The following CHD2 variants were observed in gnomAD, a reference collection of about 807,000 sequenced individuals.
The protein encoded by CHD2 is chromodomain helicase DNA binding protein 2.
Under a neutral mutation model 243.9 loss-of-function variants are expected in CHD2, and 28 were observed. The observed-to-expected ratio is 0.11, with a 90% CI of 0.09 to 0.16. The LOEUF is 0.16. Among genes scored for constraint, CHD2 ranks in the 10% least tolerant of loss-of-function variants. The pLI, the probability that CHD2 is intolerant of heterozygous loss-of-function variation, is 1.00. For missense variants in CHD2, 1,386 were observed against 2,209.8 expected, an observed-to-expected ratio of 0.63 and a Z score of 7.47; for synonymous variants, 775 against 779.0, an observed-to-expected ratio of 0.99 and a Z score of 0.09.
In CHD2 at chr15:93,018,994, A is replaced by G. The variant is rs543462613; in HGVS notation, c.4907-1018A>G. Reference sequence around the variant, plus strand: ...TCCATCCCTGGACTTCTGTGTCTTCACTACATTTTCTGATTCAAGTGAGTA... The same window carrying G: ...TCCATCCCTGGACTTCTGTGTCTTCGCTACATTTTCTGATTCAAGTGAGTA... On this transcript the variant is annotated intron_variant, in intron 37 of 38. Coordinates refer to ENST00000394196, the MANE Select transcript of CHD2 (RefSeq NM_001271.4). Among the ~76,000 whole-genome samples, 45 of 152,290 alleles carry G rather than the reference A, an allele frequency of 3.0e-4. No homozygotes were observed. The South Asian group carries it at 9.3e-3, about 32-fold the overall frequency.
intron 13 of CHD2, among the ~76,000 whole-genome samples, chr15:92,952,966 A>G (rs1390176897): frequency 2.6e-5 from 4 of 152,262 alleles, no homozygotes; most frequent in Non-Finnish European, 5.9e-5. Flanking sequence ...GGCCAGCCAC[A>G]GGATTCACCA....
chr15:92,990,466 G>C (rs1375628919), intron 26 of CHD2, among the ~76,000 whole-genome samples: 2 of 152,158 alleles, frequency 1.3e-5, no homozygotes, highest in Non-Finnish European at 2.9e-5. Flanking sequence ...TTGCTTTTAT[G>C]GGGGAGCAGA....
In CHD2 at chr15:92,974,879, C is replaced by T. The variant is rs1567148426; in HGVS notation, c.2506C>T (p.Arg836Cys). Reference sequence around the variant, plus strand: ...GTTTTCTTGTGGTTTATTTTTACAGCGTCTGGATGGTTCCATCAAGGGAGA... The same window carrying T: ...GTTTTCTTGTGGTTTATTTTTACAGTGTCTGGATGGTTCCATCAAGGGAGA... ...YLTIKHYPFQ[R>C]LDGSIKGEIR... Residue 836 changes from arginine (R) to cysteine (C), a missense_variant and splice_region_variant, in exon 20 of 39, where the codon CGT becomes TGT. Arg to Cys is a radical substitution (Grantham distance 180). Around this residue, in one of 19 missense-constraint regions of CHD2, gnomAD observed 118 missense variants for 266.3 expected, o/e 0.44. Transcript: ENST00000394196. 5.0e-6 allele frequency: 8 copies of T among 1,613,146 alleles called. No homozygotes were observed. The highest frequency in any genetic ancestry group is 6.8e-6 in the Non-Finnish European group (8 of 1,179,348).
In CHD2 at chr15:92,900,788, G is replaced by T. The variant is rs1299235406; in HGVS notation, c.-108G>T. On this transcript the variant is annotated 5_prime_UTR_variant, in exon 1 of 39. Transcript: ENST00000394196. ...GGGATCTGATATTTTTCTACTAGTA[G>T]ATAGGACTCTTGGTTTGGACATACT... is the stretch of plus-strand genomic sequence containing the variant. 7 of 395,376 alleles carry T rather than the reference G, an allele frequency of 1.8e-5. No individual in the cohort carries two copies. The highest frequency in any genetic ancestry group is 3.1e-5 in the Non-Finnish European group (7 of 224,886). The allele number at this position is 395,376 out of a possible 1,614,324, so 24.5% of individuals were successfully genotyped here.
At chr15:92,980,396 C>G (rs766575002) in intron 22 of CHD2, among the ~76,000 whole-genome samples, 1 of 151,930 alleles carries the variant, frequency 6.6e-6, no homozygotes, top group Non-Finnish European at 1.5e-5. Context: ...TTAGCCCTTC[C>G]TAAATAAAAT....
chr15:92,980,752 T>A, intron 22 of CHD2, 63 bp from the exon 23 acceptor site: 3 of 1,141,868 alleles, frequency 2.6e-6, no homozygotes, highest in Non-Finnish European at 3.9e-6. Flanking sequence ...AGGATAGTTA[T>A]TCTGAAGTAG....
At position 92,972,313 on chromosome 15, in the gene CHD2, A is replaced by G; in HGVS notation, c.2401A>G (p.Thr801Ala). 1 of 1,613,030 alleles carries G rather than the reference A, an allele frequency of 6.2e-7. No homozygotes were observed. The highest frequency in any genetic ancestry group is 8.5e-7 in the Non-Finnish European group (1 of 1,179,578). Residue 801 changes from threonine (T) to alanine (A), a missense_variant, in exon 19 of 39, where the codon ACA becomes GCA. Thr to Ala is a moderately conservative substitution (Grantham distance 58, BLOSUM62 0). Coordinates refer to ENST00000394196, the MANE Select transcript of CHD2 (RefSeq NM_001271.4). ...GKLILLDKLL[T>A]RLRERGNRVL... ...GTTGATTTTATTAGACAAACTGTTGACAAGACTTCGAGAAAGGGGGAATCG... is the reference window on the plus strand; with the variant it reads ...GTTGATTTTATTAGACAAACTGTTGGCAAGACTTCGAGAAAGGGGGAATCG...
At chr15:92,975,667 T>C (rs1047134484) in intron 20 of CHD2, among the ~76,000 whole-genome samples, 8 of 142,594 alleles carry the variant, frequency 5.6e-5, no homozygotes, top group African/African-American at 2.0e-4. Context: ...GAGCCACTAC[T>C]TTTTTTTTTT....
In CHD2 at chr15:92,929,104, TG is replaced by T. The variant is rs2053117735; in HGVS notation, c.443+18del. The T allele has an allele frequency of 1.3e-6, 2 of 1,595,376 alleles. No individual in the cohort carries two copies. Among genetic ancestry groups the T allele is most frequent in the Non-Finnish European group, 1.7e-6 (2 of 1,168,756 alleles). The stretch of plus-strand genomic sequence containing the variant: ...AGCTGAAAAAACAGTAAGTCTTTCA[TG>T]GGGGAAATTATTCAATCTAGTAGTT... On this transcript the variant is annotated intron_variant, in intron 5 of 38. Coordinates refer to ENST00000394196, the MANE Select transcript of CHD2 (RefSeq NM_001271.4).
intron 38 of CHD2, chr15:93,020,840 T>C (rs1161252032): frequency 1.3e-5 from 2 of 155,366 alleles, no homozygotes; most frequent in African/African-American, 4.8e-5. Context: ...TGTGCGTCAT[T>C]TGCACTGTAC....
chr15:92,971,939 C>G lies in CHD2; in HGVS notation c.2352+12C>G. ...AGGAGATTCTTCTGGTAGGTAGTTCCTCATAATTACTTTCTCAAAAAAAAC... is the reference window on the plus strand; with the variant it reads ...AGGAGATTCTTCTGGTAGGTAGTTCGTCATAATTACTTTCTCAAAAAAAAC... On this transcript the variant is annotated intron_variant, in intron 18 of 38. Coordinates refer to ENST00000394196, the MANE Select transcript of CHD2 (RefSeq NM_001271.4). 1 of 1,591,658 alleles carries G rather than the reference C, an allele frequency of 6.3e-7. No homozygotes were observed. Among genetic ancestry groups the G allele is most frequent in the South Asian group, 1.2e-5 (1 of 86,740 alleles).
chr15:92,908,054 A>G (rs961978745), intron 2 of CHD2, among the ~76,000 whole-genome samples: 1 of 140,324 alleles, frequency 7.1e-6, no homozygotes, highest in Non-Finnish European at 1.5e-5. Context: ...TTGAGAGAGC[A>G]TATGACTCTT....
chr15:93,025,028 G>A lies in CHD2; in HGVS notation c.*323G>A. 1 of 293,220 alleles carries A rather than the reference G, an allele frequency of 3.4e-6. No homozygotes were observed. The highest frequency in any genetic ancestry group is 8.0e-5 in the East Asian group (1 of 12,486). 18.2% of individuals were successfully genotyped at this position (293,220 alleles called of 1,614,324 possible). A position where few individuals can be genotyped will look rare whatever the true frequency, so the allele number is the denominator to read the frequency against. On this transcript the variant is annotated 3_prime_UTR_variant, in exon 39 of 39. Transcript: ENST00000394196. ...GTGTTTCCCCAGTCAAGGAACAGGGGATCTTCAGAGTCATGAATGTTTTCT... is the reference window on the plus strand; with the variant it reads ...GTGTTTCCCCAGTCAAGGAACAGGGAATCTTCAGAGTCATGAATGTTTTCT...
intron 2 of CHD2, among the ~76,000 whole-genome samples, chr15:92,911,518 A>G (rs185214709): frequency 5.3e-5 from 8 of 152,260 alleles, no homozygotes; most frequent in African/African-American, 1.7e-4. Context: ...CTGGCAGATC[A>G]CTTGAGGCCA....
Position 92,946,079 on chromosome 15 carries a change from C to T in CHD2, c.1240C>T (p.Leu414=). 1 of 1,607,766 alleles carries T rather than the reference C, an allele frequency of 6.2e-7. No individual in the cohort carries two copies. The highest frequency in any genetic ancestry group is 8.5e-7 in the Non-Finnish European group (1 of 1,176,430). The change falls in exon 12 of 39, where the codon CTA becomes TTA. Residue 414 remains leucine, a synonymous_variant. Coordinates refer to ENST00000394196, the MANE Select transcript of CHD2 (RefSeq NM_001271.4). ...KPAPSNEPEY[L]CKWMGLPYSE... The stretch of plus-strand genomic sequence containing the variant: ...GGCACCCTCAAATGAGCCCGAATAT[C>T]TATGTAAATGGATGGGACTCCCCTA...
At chr15:92,928,865 A>G (rs1028750883) in intron 4 of CHD2, among the ~76,000 whole-genome samples, 165 bp from the exon 5 acceptor site, 5 of 152,228 alleles carry the variant, frequency 3.3e-5, no homozygotes, top group African/African-American at 1.2e-4. Context: ...TTTTCAAATC[A>G]AAAGAAGAGG....
At position 92,900,471 on chromosome 15, in the gene CHD2, C is replaced by A. The variant is rs936541513; in HGVS notation, c.-425C>A. The A allele has an allele frequency of 1.5e-5, 6 of 398,002 alleles. No homozygotes were observed. The highest frequency in any genetic ancestry group is 2.7e-5 in the Non-Finnish European group (6 of 225,634). The allele number at this position is 398,002 out of a possible 1,614,324, so 24.7% of individuals were successfully genotyped here. A position where few individuals can be genotyped will look rare whatever the true frequency, so the allele number is the denominator to read the frequency against. ...GCCCCCTGCCTTTCCTAGGGACTTACTGGGGTCGATTCGAACCTTTTTTTG... is the reference window on the plus strand; with the variant it reads ...GCCCCCTGCCTTTCCTAGGGACTTAATGGGGTCGATTCGAACCTTTTTTTG... On this transcript the variant is annotated 5_prime_UTR_variant, in exon 1 of 39. In the 5' UTR this introduces an upstream ATG that the reference lacks. Coordinates refer to ENST00000394196, the MANE Select transcript of CHD2 (RefSeq NM_001271.4).
intron 2 of CHD2, among the ~76,000 whole-genome samples, chr15:92,920,526 C>T (rs2052934701): frequency 6.6e-6 from 1 of 152,216 alleles, no homozygotes; most frequent in African/African-American, 2.4e-5. Flanking sequence ...TCCCACTTTT[C>T]AACACAGAAC....
At chr15:93,000,760 T>C (rs1041705182) in intron 32 of CHD2, 120 bp downstream of exon 32, 2 of 1,094,456 alleles carry the variant, frequency 1.8e-6, no homozygotes, top group African/African-American at 3.1e-5. Context: ...GGAAATAGAA[T>C]ATGTAAGTCT....
Sources: allele counts gnomAD v4.1 joint callset (sites outside exome capture counted in the v4.1 genomes callset), GRCh38; gene constraint gnomAD v4.1.1; regional missense constraint gnomAD v4.1.1; transcripts MANE v1.5; gene names NCBI Gene and HGNC (gene_info 2026-07-23, HGNC 2026-07-21).